Variants in PARP8 observed in about 807,000 individuals in gnomAD.
PARP8 encodes poly(ADP-ribose) polymerase family member 8, also known as protein mono-ADP-ribosyltransferase PARP8.
Under a neutral mutation model 124.1 loss-of-function variants are expected in PARP8, and 51 were observed. The ratio of observed to expected loss-of-function variants is 0.41; its 90% CI spans 0.33 to 0.52. The LOEUF (loss-of-function observed/expected upper bound fraction) is 0.52. Among genes scored for constraint, PARP8 ranks in the 20% least tolerant of loss-of-function variants. The pLI is 0.21. For synonymous variants in PARP8, 391 were observed against 361.5 expected (o/e 1.08, Z -0.93); for missense variants, 860 against 1,018.9 (o/e 0.84, Z 2.12).
chr5:50,787,697 C>G (rs1241768439), intron 9 of PARP8, among the ~76,000 whole-genome samples: 2 of 151,840 alleles, frequency 1.3e-5, no homozygotes, highest in Non-Finnish European at 1.5e-5. Flanking sequence ...CTCTTTAAAC[C>G]AGTGAATAAT....
At position 50,750,635 on chromosome 5, in the gene PARP8, G is replaced by A. The variant is rs1474021426; in HGVS notation, c.184+447G>A. Among the ~76,000 whole-genome samples the A allele has an allele frequency of 2.0e-5, 3 of 152,048 alleles. No individual in the cohort carries two copies. The East Asian group carries it at 5.8e-4, about 29-fold the overall frequency. ...GTTCATAGTTTGGTATGGAGATAAT[G>A]TAAAACTTACTTGTTTAGCATTTAA... On this transcript the variant is annotated intron_variant, in intron 3 of 25. Transcript: ENST00000281631.
At position 50,842,278 on chromosome 5, in the gene PARP8, A is replaced by G. The variant is rs1225302353; in HGVS notation, c.*210A>G. On this transcript the variant is annotated 3_prime_UTR_variant, in exon 26 of 26. Transcript: ENST00000281631. ...AATTGTAGGGTTATGGAATCTAGTAATAAAATTTCAACAGCACTTAAACTG... is the reference window on the plus strand; with the variant it reads ...AATTGTAGGGTTATGGAATCTAGTAGTAAAATTTCAACAGCACTTAAACTG... The G allele has an allele frequency of 2.7e-6, 1 of 369,266 alleles. No homozygotes were observed. The highest frequency in any genetic ancestry group is 2.2e-5 in the African/African-American group (1 of 46,250). 22.9% of individuals were successfully genotyped at this position (369,266 alleles called of 1,614,324 possible).
chr5:50,777,734 A>G (rs371819939), intron 7 of PARP8, among the ~76,000 whole-genome samples: 12 of 152,274 alleles, frequency 7.9e-5, no homozygotes, highest in African/African-American at 2.6e-4. Flanking sequence ...GCAGCTCCTT[A>G]TCCTCAGAGT....
At position 50,788,582 on chromosome 5, in the gene PARP8, C is replaced by T. The variant is rs768182563; in HGVS notation, c.730C>T (p.Leu244=). The T allele has an allele frequency of 2.5e-6, 4 of 1,611,660 alleles. No homozygotes were observed. In the South Asian group the frequency reaches 3.3e-5, roughly 13 times the overall value. Residue 244 remains leucine (L), a synonymous_variant, in exon 10 of 26, where the codon CTG becomes TTG. Coordinates refer to ENST00000281631, the MANE Select transcript of PARP8 (RefSeq NM_024615.4). ...TKERFGLGHQ[L]KKIMQTFVTQ... ...AGAGCGATTTGGATTGGGACATCAGCTGAAAAAGTAAGTTTGCTAAAGTGC... is the reference window on the plus strand; with the variant it reads ...AGAGCGATTTGGATTGGGACATCAGTTGAAAAAGTAAGTTTGCTAAAGTGC...
chr5:50,689,619 A>AG (rs780216513), intron 2 of PARP8, among the ~76,000 whole-genome samples: 30 of 152,304 alleles, frequency 2.0e-4, no homozygotes, highest in Non-Finnish European at 4.3e-4. Context: ...CCTGACTGTA[A>AG]GGGTTGCAGT....
At chr5:50,771,136 C>T (rs985344980) in intron 7 of PARP8, among the ~76,000 whole-genome samples, 2 of 150,186 alleles carry the variant, frequency 1.3e-5, no homozygotes, top group African/African-American at 4.9e-5. Flanking sequence ...CATATATATA[C>T]ACATATATAT....
At chr5:50,747,797 G>T in intron 2 of PARP8, among the ~76,000 whole-genome samples, 1 of 122,676 alleles carries the variant, frequency 8.2e-6, no homozygotes. Context: ...TTTTGAGACG[G>T]AGTCTCGCTC....
intron 14 of PARP8, among the ~76,000 whole-genome samples, chr5:50,814,978 T>G (rs1175797496): frequency 6.6e-6 from 1 of 152,138 alleles, no homozygotes; most frequent in African/African-American, 2.4e-5. Context: ...ATGCTATTTT[T>G]TTTTTGTTTT....
At chr5:50,671,536 AG>A (rs1324981582) in intron 2 of PARP8, among the ~76,000 whole-genome samples, 3 of 152,120 alleles carry the variant, frequency 2.0e-5, no homozygotes, top group Non-Finnish European at 4.4e-5. Flanking sequence ...AGTTAGAAGA[AG>A]AAATACGCCA....
chr5:50,778,209 G>T, intron 8 of PARP8, 80 bp downstream of exon 8: 1 of 1,115,422 alleles, frequency 9.0e-7, no homozygotes, highest in Non-Finnish European at 1.3e-6. Context: ...TTAATTTTCA[G>T]TTTTGTCTTA....
chr5:50,811,988 T>C (rs1048081657), intron 14 of PARP8, among the ~76,000 whole-genome samples: 3 of 152,202 alleles, frequency 2.0e-5, no homozygotes, highest in Admixed American at 6.5e-5. Context: ...CAGTCTGTCA[T>C]TGATGGACAT....
At chr5:50,779,559 T>A (rs1740435700) in intron 9 of PARP8, among the ~76,000 whole-genome samples, 1 of 152,316 alleles carries the variant, frequency 6.6e-6, no homozygotes, top group East Asian at 1.9e-4. Context: ...CCATGGTGAC[T>A]GGGATGCAAA....
At chr5:50,810,490 G>A (rs1744314646) in intron 14 of PARP8, among the ~76,000 whole-genome samples, 1 of 151,968 alleles carries the variant, frequency 6.6e-6, no homozygotes, top group Non-Finnish European at 1.5e-5. Context: ...AATTTGTCAG[G>A]GTGGAGGATT....
intron 2 of PARP8, among the ~76,000 whole-genome samples, chr5:50,748,673 C>A (rs1758882783): frequency 6.6e-6 from 1 of 152,108 alleles, no homozygotes; most frequent in African/African-American, 2.4e-5. Context: ...TTGTCTCCTC[C>A]CCTCCCCAAA....
At chr5:50,680,222 G>A (rs1481987928) in intron 2 of PARP8, among the ~76,000 whole-genome samples, 4 of 152,060 alleles carry the variant, frequency 2.6e-5, no homozygotes, top group Non-Finnish European at 5.9e-5. Flanking sequence ...CCCTTTATTC[G>A]TTTTTTTCAC....
chr5:50,687,267 C>T (rs532816989), intron 2 of PARP8, among the ~76,000 whole-genome samples: 3 of 152,274 alleles, frequency 2.0e-5, no homozygotes, highest in South Asian at 4.1e-4. Context: ...TGCTGCCAGT[C>T]TCTTTGCTAA....
intron 14 of PARP8, among the ~76,000 whole-genome samples, chr5:50,797,458 T>C (rs1241662064): frequency 7.2e-5 from 11 of 152,218 alleles, no homozygotes; most frequent in Non-Finnish European, 1.5e-4. Flanking sequence ...TTTTTACATA[T>C]GTTTATCTAA....
At chr5:50,764,100 G>C (rs191380476) in intron 7 of PARP8, among the ~76,000 whole-genome samples, 81 of 152,272 alleles carry the variant, frequency 5.3e-4, no homozygotes, top group African/African-American at 1.8e-3. Flanking sequence ...AGCCTTCTTG[G>C]AATCTCCAGT....
chr5:50,788,284 C>T (rs917447858), intron 9 of PARP8, among the ~76,000 whole-genome samples: 2 of 144,222 alleles, frequency 1.4e-5, no homozygotes, highest in African/African-American at 5.2e-5. Flanking sequence ...ATGTATTATA[C>T]AATATAATGT....
Sources: gnomAD v4.1 joint callset for allele counts (sites outside exome capture counted in the v4.1 genomes callset) on GRCh38, gnomAD v4.1.1 for gene constraint, MANE v1.5 for transcripts, NCBI Gene and HGNC (gene_info 2026-07-23, HGNC 2026-07-21) for gene names.